Variants in TACR1 observed in about 807,000 individuals in gnomAD.
The protein encoded by TACR1 is tachykinin receptor 1, also known as substance-P receptor.
In TACR1, 25 loss-of-function variants were observed where a neutral mutation model predicts 35.8. The observed-to-expected ratio is 0.70, with a 90% CI of 0.51 to 0.98. The LOEUF (loss-of-function observed/expected upper bound fraction) is 0.98, where lower values mean the gene tolerates loss of function less well. Ranked by LOEUF, TACR1 falls within the 50% of genes least tolerant of loss-of-function variation. The pLI is 0.00. For missense variants in TACR1, 478 were observed against 522.9 expected (o/e 0.91, Z 0.84); for synonymous variants, 195 against 206.7 (o/e 0.94, Z 0.48).
rs145517634 is a variant in TACR1, at chr2:75,182,507, A to G, written c.389+16039T>C. 9.8e-4 allele frequency among the ~76,000 whole-genome samples: 149 copies of G among 152,266 alleles called. 2 individuals carry two copies. In the East Asian group the frequency reaches 0.025, roughly 26 times the overall value. ...ATATACAGCCATGCGCCACAAAACA[A>G]TGTTTCAGTCAATAACAGACTAAGT... On this transcript the variant is annotated intron_variant, in intron 1 of 4. Transcript: ENST00000305249.
Position 75,049,605 on chromosome 2 carries a change from C to T in TACR1, c.1051G>A (p.Val351Ile), listed in dbSNP as rs1034430892. The change falls in exon 5 of 5, where the codon GTC becomes ATC. Residue 351 changes from valine to isoleucine, a missense_variant. Val to Ile is a conservative substitution (Grantham distance 29). Coordinates refer to ENST00000305249, the MANE Select transcript of TACR1 (RefSeq NM_001058.4). The stretch of plus-strand genomic sequence containing the variant: ...GAGATGGTGGTCTCCAGGCGGCTGA[C>T]TTTGTACACACTGCCCTGGGTCTGG... ...YLQTQGSVYK[V>I]SRLETTISTV... The T allele has an allele frequency of 1.2e-6, 2 of 1,614,040 alleles. No individual in the cohort carries two copies. Among genetic ancestry groups the T allele is most frequent in the Non-Finnish European group, 1.7e-6 (2 of 1,180,046 alleles).
intron 1 of TACR1, among the ~76,000 whole-genome samples, chr2:75,166,196 G>A (rs1014773125): frequency 6.6e-6 from 1 of 152,116 alleles, no homozygotes; most frequent in Non-Finnish European, 1.5e-5. Context: ...TAGTTTAGGG[G>A]AGAAAAACGT....
intron 2 of TACR1, among the ~76,000 whole-genome samples, chr2:75,107,758 A>G (rs1262345107): frequency 6.6e-6 from 1 of 152,044 alleles, no homozygotes; most frequent in Non-Finnish European, 1.5e-5. Flanking sequence ...CTATTTGACA[A>G]TTGAAAATAA....
chr2:75,194,952 C>T (rs763314492), intron 1 of TACR1, among the ~76,000 whole-genome samples: 5 of 152,138 alleles, frequency 3.3e-5, no homozygotes, highest in Non-Finnish European at 5.9e-5. Context: ...CCTTCCTCTA[C>T]TCCCTTCTTA....
chr2:75,101,801 A>G (rs181737440), intron 2 of TACR1, among the ~76,000 whole-genome samples: 1 of 152,178 alleles, frequency 6.6e-6, no homozygotes, highest in Non-Finnish European at 1.5e-5. Context: ...TACAAAAATT[A>G]GCTGGCCATG....
intron 1 of TACR1, among the ~76,000 whole-genome samples, chr2:75,178,351 A>G (rs1196791063): frequency 1.3e-5 from 2 of 151,662 alleles, no homozygotes; most frequent in African/African-American, 4.8e-5. Flanking sequence ...CGCCTGGCTA[A>G]TTTTTGTATT....
At chr2:75,165,340 C>T (rs1007294670) in intron 1 of TACR1, among the ~76,000 whole-genome samples, 4 of 152,024 alleles carry the variant, frequency 2.6e-5, no homozygotes, top group Admixed American at 6.6e-5. Flanking sequence ...GACAGAGTCT[C>T]GCTCTGTCAC....
intron 2 of TACR1, among the ~76,000 whole-genome samples, chr2:75,119,811 C>T (rs568503939): frequency 2.6e-5 from 4 of 152,206 alleles, no homozygotes; most frequent in East Asian, 3.9e-4. Context: ...TTTGGTCTTC[C>T]GCAAAGGGGA....
At chr2:75,121,192 A>C (rs1323968398) in intron 1 of TACR1, among the ~76,000 whole-genome samples, 2 of 152,164 alleles carry the variant, frequency 1.3e-5, no homozygotes, top group African/African-American at 4.8e-5. Context: ...TTCAGTCCTT[A>C]TGTGATATTA....
chr2:75,177,672 A>G (rs1675458580), intron 1 of TACR1, among the ~76,000 whole-genome samples: 1 of 151,994 alleles, frequency 6.6e-6, no homozygotes, highest in African/African-American at 2.4e-5. Flanking sequence ...CCACCACCCT[A>G]CAGTCACTCC....
intron 1 of TACR1, among the ~76,000 whole-genome samples, chr2:75,122,616 G>A (rs1340942484): frequency 6.6e-6 from 1 of 152,158 alleles, no homozygotes; most frequent in African/African-American, 2.4e-5. Flanking sequence ...TGAGGAGAGA[G>A]TGGAATTATA....
At chr2:75,135,713 A>G (rs1476836065) in intron 1 of TACR1, among the ~76,000 whole-genome samples, 3 of 152,324 alleles carry the variant, frequency 2.0e-5, no homozygotes, top group East Asian at 3.8e-4. Flanking sequence ...CCACATGCTA[A>G]TTCCACAGAG....
intron 1 of TACR1, among the ~76,000 whole-genome samples, chr2:75,174,727 A>G (rs920227984): frequency 6.6e-6 from 1 of 152,226 alleles, no homozygotes; most frequent in African/African-American, 2.4e-5. Context: ...ATAGCAATGG[A>G]GAGTGAAAGG....
At chr2:75,083,499 C>T (rs1673132380) in intron 2 of TACR1, among the ~76,000 whole-genome samples, 1 of 152,156 alleles carries the variant, frequency 6.6e-6, no homozygotes, top group African/African-American at 2.4e-5. Flanking sequence ...GGCATTGAAT[C>T]TATAAATTAC....
chr2:75,169,624 C>A (rs1452783168), intron 1 of TACR1, among the ~76,000 whole-genome samples: 3 of 152,016 alleles, frequency 2.0e-5, no homozygotes, highest in Non-Finnish European at 4.4e-5. Context: ...AAAATTTTAC[C>A]ATAAAGTGAA....
chr2:75,085,710 G>C (rs1385658097), intron 2 of TACR1, among the ~76,000 whole-genome samples: 1 of 152,100 alleles, frequency 6.6e-6, no homozygotes, highest in East Asian at 1.9e-4. Flanking sequence ...ACGGTGACCT[G>C]GCTGGAGTCA....
chr2:75,135,702 C>T (rs1042705092), intron 1 of TACR1, among the ~76,000 whole-genome samples: 1 of 152,104 alleles, frequency 6.6e-6, no homozygotes, highest in African/African-American at 2.4e-5. Flanking sequence ...CCCTGTAGTC[C>T]CCACATGCTA....
At chr2:75,175,626 AC>A (rs1160723510) in intron 1 of TACR1, among the ~76,000 whole-genome samples, 1 of 151,334 alleles carries the variant, frequency 6.6e-6, no homozygotes, top group Non-Finnish European at 1.5e-5. Flanking sequence ...TCTGACTTTG[AC>A]CCTCCCGCTG....
chr2:75,148,412 C>G (rs1324262547), intron 1 of TACR1, among the ~76,000 whole-genome samples: 2 of 152,178 alleles, frequency 1.3e-5, no homozygotes. Context: ...AATCACCATC[C>G]TGACTGACCT....
Sources: gnomAD v4.1 joint callset for allele counts (sites outside exome capture counted in the v4.1 genomes callset) on GRCh38, gnomAD v4.1.1 for gene constraint, MANE v1.5 for transcripts, NCBI Gene and HGNC (gene_info 2026-07-23, HGNC 2026-07-21) for gene names.